Variants in STK10 observed in about 807,000 individuals in gnomAD.
The protein encoded by STK10 is serine/threonine kinase 10, also known as serine/threonine-protein kinase 10.
A neutral mutation model predicts 113.8 loss-of-function variants in STK10; 78 were observed. The ratio of observed to expected loss-of-function variants is 0.69; its 90% CI spans 0.57 to 0.83. The LOEUF (loss-of-function observed/expected upper bound fraction) is 0.83. Among genes scored for constraint, STK10 ranks in the 40% least tolerant of loss-of-function variants. The probability of loss-of-function intolerance (pLI) is 0.00; values close to 1 mark genes in which losing one functional copy is unlikely to be tolerated. For missense variants in STK10, 1,109 were observed against 1,280.1 expected (o/e 0.87, Z 2.04); for synonymous variants, 465 against 494.7 (o/e 0.94, Z 0.80).
At chr5:172,164,305 G>A (rs1477257623) in intron 1 of STK10, among the ~76,000 whole-genome samples, 2 of 151,280 alleles carry the variant, frequency 1.3e-5, no homozygotes, top group South Asian at 2.1e-4. Flanking sequence ...TGAGACTGCT[G>A]CAAGCTCTCC....
chr5:172,100,024 C>A (rs1358102629), intron 7 of STK10, among the ~76,000 whole-genome samples: 1 of 152,180 alleles, frequency 6.6e-6, no homozygotes. Flanking sequence ...CTGCCAGGCA[C>A]CAGAGCAAGC....
intron 2 of STK10, among the ~76,000 whole-genome samples, chr5:172,128,418 T>C (rs113541468): frequency 0.021 from 3,214 of 149,836 alleles, 104 homozygotes; most frequent in African/African-American, 0.073. Flanking sequence ...CTTGGCTCCA[T>C]CTCTGGGGTT....
rs147373135 is a variant in STK10 at position 172,091,950 on chromosome 5, G to A, written c.1554+1462C>T. On this transcript the variant is annotated intron_variant, in intron 9 of 18. Coordinates refer to ENST00000176763, the MANE Select transcript of STK10 (RefSeq NM_005990.4). Reference sequence around the variant, plus strand: ...CTTGACCCCTTGAAATCTATGCTGAGCTCCACTCCTGCTGAGTCGAGAGGG... The same window carrying A: ...CTTGACCCCTTGAAATCTATGCTGAACTCCACTCCTGCTGAGTCGAGAGGG... Among the ~76,000 whole-genome samples, 9 of 152,354 alleles carry A rather than the reference G, an allele frequency of 5.9e-5. No individual in the cohort carries two copies. The East Asian group carries it at 1.7e-3, about 29-fold the overall frequency.
At chr5:172,158,936 G>A (rs537412171) in intron 1 of STK10, among the ~76,000 whole-genome samples, 41 of 152,304 alleles carry the variant, frequency 2.7e-4, no homozygotes, top group African/African-American at 9.6e-4. Flanking sequence ...TGTAGAGGAT[G>A]ATGAAAATTT....
At chr5:172,047,321 A>G (rs1392277044) in intron 18 of STK10, among the ~76,000 whole-genome samples, 1 of 152,214 alleles carries the variant, frequency 6.6e-6, no homozygotes, top group African/African-American at 2.4e-5. Flanking sequence ...CCCTCTTTGA[A>G]GCGATCTGAG....
At chr5:172,175,489 A>G (rs867922774) in intron 1 of STK10, among the ~76,000 whole-genome samples, 2 of 152,250 alleles carry the variant, frequency 1.3e-5, no homozygotes, top group South Asian at 4.1e-4. Context: ...CGGTCCCAGC[A>G]GCCCCACCCA....
At chr5:172,048,615 TCCTA>T (rs1561786225) in intron 18 of STK10, among the ~76,000 whole-genome samples, 1 of 111,044 alleles carries the variant, frequency 9.0e-6, no homozygotes, top group African/African-American at 6.3e-5. Context: ...TCTGATACCA[TCCTA>T]GTTCAAGATA....
chr5:172,106,927 G>A (rs968029558), intron 5 of STK10, 113 bp from the exon 6 acceptor site: 2 of 1,053,112 alleles, frequency 1.9e-6, no homozygotes, highest in Non-Finnish European at 2.7e-6. Flanking sequence ...CAGCACTCCC[G>A]AATCATGATC....
At chr5:172,130,423 T>C (rs3776757) in intron 2 of STK10, among the ~76,000 whole-genome samples, 46,537 of 150,792 alleles carry the variant, frequency 0.31, 8,307 homozygotes, top group African/African-American at 0.51. Context: ...CCCAGCTACT[T>C]GGGAGGCGGA....
intron 2 of STK10, among the ~76,000 whole-genome samples, chr5:172,153,288 A>AAAAGAAAG (rs35446422): frequency 0.04 from 5,731 of 141,978 alleles, 215 homozygotes; most frequent in South Asian, 0.081. Flanking sequence ...CTCCATCTCA[A>AAAAGAAAG]AAAGAAAGAA....
At chr5:172,066,734 C>T (rs1768079706) in intron 12 of STK10, among the ~76,000 whole-genome samples, 3 of 152,132 alleles carry the variant, frequency 2.0e-5, no homozygotes, top group South Asian at 2.1e-4. Context: ...TGCAGTGAGC[C>T]GAGATCATAC....
At chr5:172,144,383 T>C (rs565610649) in intron 2 of STK10, among the ~76,000 whole-genome samples, 356 of 152,150 alleles carry the variant, frequency 2.3e-3, no homozygotes, top group African/African-American at 8.2e-3. Flanking sequence ...GGAACCTCCT[T>C]AGCCTCTCCA....
chr5:172,112,441 A>C (rs1355186277), intron 4 of STK10, among the ~76,000 whole-genome samples: 1 of 80,980 alleles, frequency 1.2e-5, no homozygotes, highest in African/African-American at 4.3e-5. Context: ...TTTTTTTTTG[A>C]GACAGAGTCT....
chr5:172,054,550 G>A lies in STK10; in HGVS notation c.2652+19C>T. ...CTGAGGCAGCCTGGGGGCAGGGGCA[G>A]GGGCAGGCAGGGCGGTACCTGCAGC... On this transcript the variant is annotated intron_variant, in intron 17 of 18. Coordinates refer to ENST00000176763, the MANE Select transcript of STK10 (RefSeq NM_005990.4). 1 of 1,601,136 alleles carries A rather than the reference G, an allele frequency of 6.2e-7. No individual in the cohort carries two copies.
At chr5:172,152,615 A>G (rs1364615632) in intron 2 of STK10, among the ~76,000 whole-genome samples, 1 of 152,210 alleles carries the variant, frequency 6.6e-6, no homozygotes, top group Non-Finnish European at 1.5e-5. Flanking sequence ...ACCTAAATGT[A>G]TTATTCCATT....
chr5:172,077,256 T>C (rs1383947571), intron 12 of STK10, among the ~76,000 whole-genome samples: 2 of 152,238 alleles, frequency 1.3e-5, no homozygotes, highest in Admixed American at 6.5e-5. Flanking sequence ...AAAATTTCTT[T>C]AGGGATCCTT....
chr5:172,147,492 C>T (rs1461853701), intron 2 of STK10, among the ~76,000 whole-genome samples: 7 of 151,950 alleles, frequency 4.6e-5, no homozygotes, highest in Admixed American at 2.6e-4. Context: ...CCCGGGTTCA[C>T]GCCATTCTCC....
At chr5:172,170,966 T>C (rs190213813) in intron 1 of STK10, among the ~76,000 whole-genome samples, 1 of 152,182 alleles carries the variant, frequency 6.6e-6, no homozygotes, top group Non-Finnish European at 1.5e-5. Flanking sequence ...AAGCACTTTA[T>C]GGAGGGCCAC....
Position 172,106,628 on chromosome 5 carries a change from G to A in STK10, c.780C>T (p.Pro260=), listed in dbSNP as rs766450868. The change falls in exon 6 of 19, where the codon CCC becomes CCT. Residue 260 remains proline (P), a synonymous_variant. Transcript: ENST00000176763. ...CTGCCCCTGCCCCTCACCACTTAGA[G>A]GGCGTGAGCAGCGTGGGAGGGTCCG... ...AKSDPPTLLT[P]SKWSVEFRDF... is the part of the protein sequence containing the mutation. The A allele has an allele frequency of 4.3e-6, 7 of 1,612,188 alleles. 1 individual carries two copies. The South Asian group carries it at 4.4e-5, about 10-fold the overall frequency.
Sources: allele counts gnomAD v4.1 joint callset (sites outside exome capture counted in the v4.1 genomes callset), GRCh38; gene constraint gnomAD v4.1.1; transcripts MANE v1.5; gene names NCBI Gene and HGNC (gene_info 2026-07-23, HGNC 2026-07-21).